Variants in ANK1 observed in about 807,000 individuals in gnomAD.
ANK1 encodes the protein ankyrin-1.
ANK1 carries 51 observed loss-of-function variants against 210.4 expected under a neutral mutation model. The ratio of observed to expected loss-of-function variants is 0.24; its 90% CI spans 0.19 to 0.31. The LOEUF (loss-of-function observed/expected upper bound fraction) is 0.31. Among genes scored for constraint, ANK1 ranks in the 10% least tolerant of loss-of-function variants. The probability of loss-of-function intolerance (pLI) is 1.00; values close to 1 mark genes in which losing one functional copy is unlikely to be tolerated. For synonymous variants in ANK1, 967 were observed against 1,025.9 expected (o/e 0.94, Z 1.10); for missense variants, 2,051 against 2,504.4 (o/e 0.82, Z 3.86).
At chr8:41,721,907 C>T (rs1464196464) in intron 9 of ANK1, among the ~76,000 whole-genome samples, 1 of 152,194 alleles carries the variant, frequency 6.6e-6, no homozygotes, top group Non-Finnish European at 1.5e-5. Flanking sequence ...TTTTCAGCCC[C>T]ATTCTAATGA....
chr8:41,706,229 G>C lies in ANK1; in HGVS notation c.2011C>G (p.Pro671Ala), dbSNP rs374166500. 4 of 1,614,020 alleles carry C rather than the reference G, an allele frequency of 2.5e-6. No individual in the cohort carries two copies. The African/African-American group carries it at 4.0e-5, about 16-fold the overall frequency. The change falls in exon 18 of 43, where the codon CCC (proline) becomes GCC (alanine). Residue 671 changes from proline (P) to alanine (A), a missense_variant. Coordinates refer to ENST00000289734, the MANE Select transcript of ANK1 (RefSeq NM_000037.4). The stretch of plus-strand genomic sequence containing the variant: ...CCTTCTTGTGCTACCAGATGGAGGG[G>C]AGTGAGTCCGCTCTGCAAAGAAAAA... Reference protein sequence around the residue: ...GNLGNKSGLTPLHLVAQEGHV... With the variant: ...GNLGNKSGLTALHLVAQEGHV...
intron 1 of ANK1, among the ~76,000 whole-genome samples, chr8:41,865,824 C>T (rs1456870343): frequency 2.0e-5 from 3 of 152,156 alleles, no homozygotes; most frequent in Non-Finnish European, 4.4e-5. Context: ...TCCTAATCGC[C>T]TCCATCCCCT....
chr8:41,702,009 G>C (rs1822963765), intron 21 of ANK1, 43 bp downstream of exon 21: 2 of 1,572,088 alleles, frequency 1.3e-6, no homozygotes, highest in Non-Finnish European at 8.8e-7. Context: ...TGTGCGCCAG[G>C]CTGAGTGTGT....
At chr8:41,838,380 A>G (rs1273946031) in intron 1 of ANK1, among the ~76,000 whole-genome samples, 1 of 152,178 alleles carries the variant, frequency 6.6e-6, no homozygotes, top group African/African-American at 2.4e-5. Context: ...TATTTGTAAA[A>G]CATGCTCTAC....
At chr8:41,852,233 G>T (rs1285685974) in intron 1 of ANK1, among the ~76,000 whole-genome samples, 1 of 152,186 alleles carries the variant, frequency 6.6e-6, no homozygotes. Context: ...GGAGAAAGGA[G>T]GGGTGAGTAC....
Position 41,896,413 on chromosome 8 carries a change from T to C in ANK1, c.68A>G (p.Lys23Arg). Reference sequence around the variant, plus strand: ...CTTCCTGTTGGATTCCTCCTTCTCCTTCTGCTCCTGGAGGGCCTGCGCCTC... The same window carrying C: ...CTTCCTGTTGGATTCCTCCTTCTCCCTCTGCTCCTGGAGGGCCTGCGCCTC... The change falls in exon 1 of 43, where the codon AAG (lysine) becomes AGG (arginine). Residue 23 changes from lysine to arginine, a missense_variant. Physicochemically the swap from Lys to Arg is conservative, Grantham distance 26. Transcript: ENST00000265709. 6.2e-7 allele frequency: 1 copy of C among 1,604,330 alleles called. No individual in the cohort carries two copies. The highest frequency in any genetic ancestry group is 1.1e-5 in the South Asian group (1 of 89,640).
At chr8:41,661,040 C>CTT in intron 42 of ANK1, 1 of 264,594 alleles carries the variant, frequency 3.8e-6, no homozygotes, top group Non-Finnish European at 7.4e-6. Flanking sequence ...TTCTTTCTGG[C>CTT]TTTTTTTTTT....
upstream of ANK1, among the ~76,000 whole-genome samples, chr8:41,799,314 C>T (rs1346080950): frequency 6.6e-6 from 1 of 152,150 alleles, no homozygotes; most frequent in Non-Finnish European, 1.5e-5. Context: ...CAGGCTCACT[C>T]ATGAGGGGGC....
chr8:41,765,917 G>A (rs1382190779), intron 1 of ANK1, among the ~76,000 whole-genome samples: 1 of 152,170 alleles, frequency 6.6e-6, no homozygotes, highest in Non-Finnish European at 1.5e-5. Flanking sequence ...AGACCCAGGT[G>A]AGAGAACCCC....
chr8:41,668,413 A>T lies in ANK1; in HGVS notation c.5248T>A (p.Tyr1750Asn). 6.2e-7 allele frequency: 1 copy of T among 1,613,676 alleles called. No homozygotes were observed. The highest frequency in any genetic ancestry group is 8.5e-7 in the Non-Finnish European group (1 of 1,179,916). Residue 1750 changes from tyrosine (Y) to asparagine (N), a missense_variant, in exon 39 of 43, where the codon TAC becomes AAC. Tyr to Asn is a moderately radical substitution (Grantham distance 143, BLOSUM62 -2). Around this residue, in one of 6 missense-constraint regions of ANK1, gnomAD observed 496 missense variants for 533.4 expected, o/e 0.93. Coordinates refer to ENST00000289734, the MANE Select transcript of ANK1 (RefSeq NM_000037.4). ...EGLEPGGSQEYEKVLVSVSEH... is the reference protein window; with the variant it reads ...EGLEPGGSQENEKVLVSVSEH... ...CTTACAGACACCAGGACCTTCTCGT[A>T]CTCCTGAGATCCACCGGGCTCTAGC...
At position 41,654,238 on chromosome 8, in the gene ANK1, C is replaced by T. The variant is rs541471233; in HGVS notation, c.*1552G>A. 5 of 152,802 alleles carry T rather than the reference C, an allele frequency of 3.3e-5. No individual in the cohort carries two copies. Among genetic ancestry groups the T allele is most frequent in the South Asian group, 2.1e-4 (1 of 4,826 alleles). The allele number at this position is 152,802 out of a possible 1,614,324, so 9.5% of individuals were successfully genotyped here. A position where few individuals can be genotyped will look rare whatever the true frequency, so the allele number is the denominator to read the frequency against. On this transcript the variant is annotated 3_prime_UTR_variant, in exon 43 of 43. Transcript: ENST00000289734. ...CCCTGGGCCGGAGGCTCTAGTGGAA[C>T]TTAAGGCTCCTCCCTGATGGCACCG...
At position 41,704,050 on chromosome 8, in the gene ANK1, C is replaced by G. The variant is rs1459852465; in HGVS notation, c.2286G>C (p.Glu762Asp). Reference protein sequence around the residue: ...LLLKNGASPNEVSSDGTTPLA... With the variant: ...LLLKNGASPNDVSSDGTTPLA... The stretch of plus-strand genomic sequence containing the variant: ...GAGAGAGTGTACTCACCGAGCTGAC[C>G]TCGTTTGGGGAAGCACCGTTTTTCA... Residue 762 changes from glutamate to aspartate, a missense_variant, in exon 20 of 43, where the codon GAG becomes GAC. By Grantham distance (45) the Glu-to-Asp change is conservative. Coordinates refer to ENST00000289734, the MANE Select transcript of ANK1 (RefSeq NM_000037.4). This position sits in a 1 kb window ranked among gnomAD's most constrained non-coding sequence, Gnocchi z 4.1. 1.9e-6 allele frequency: 3 copies of G among 1,614,026 alleles called. No homozygotes were observed. Among genetic ancestry groups the G allele is most frequent in the Non-Finnish European group, 2.5e-6 (3 of 1,179,980 alleles).
intron 1 of ANK1, among the ~76,000 whole-genome samples, chr8:41,773,421 G>A (rs1563732814): frequency 1.3e-5 from 2 of 152,154 alleles, no homozygotes; most frequent in Admixed American, 6.5e-5. Flanking sequence ...AAGGGGGGAG[G>A]CACAGCTGAA....
intron 1 of ANK1, among the ~76,000 whole-genome samples, chr8:41,762,906 C>T (rs529528497): frequency 3.9e-4 from 60 of 152,182 alleles, no homozygotes; most frequent in Admixed American, 2.5e-3. Flanking sequence ...GCACTGAATC[C>T]AGGAAGAAAA....
chr8:41,890,787 GA>G (rs1183841180), intron 1 of ANK1, among the ~76,000 whole-genome samples: 2 of 150,750 alleles, frequency 1.3e-5, no homozygotes, highest in African/African-American at 4.9e-5. Context: ...TCAGTCAGAA[GA>G]ATTCAAGGTG....
intron 6 of ANK1, 50 bp from the exon 7 acceptor site, chr8:41,724,604 T>C (rs914414847): frequency 6.6e-7 from 1 of 1,520,988 alleles, no homozygotes; most frequent in South Asian, 1.2e-5. Context: ...TTTACTTCTA[T>C]CTCAGAATCA....
At chr8:41,770,130 C>T (rs924417921) in intron 1 of ANK1, among the ~76,000 whole-genome samples, 9 of 151,796 alleles carry the variant, frequency 5.9e-5, no homozygotes, top group Non-Finnish European at 1.2e-4. Flanking sequence ...TACAGGCATG[C>T]ACCAACATGC....
intron 1 of ANK1, among the ~76,000 whole-genome samples, chr8:41,865,990 C>G (rs1814361171): frequency 6.6e-6 from 1 of 152,210 alleles, no homozygotes; most frequent in Non-Finnish European, 1.5e-5. Context: ...TAACCCAGAG[C>G]TCCATGTCCA....
At position 41,694,523 on chromosome 8, in the gene ANK1, G is replaced by A. The variant is rs1243949526; in HGVS notation, c.3327+69C>T. On this transcript the variant is annotated intron_variant, in intron 28 of 42. Transcript: ENST00000289734. This position sits in a 1 kb window ranked among gnomAD's most constrained non-coding sequence, Gnocchi z 5.7. ...AAAAGTGTGGGGATGTCCTGGGGAA[G>A]AGGGTGGCCTTCCCGGAGGCCTGGA... 6 of 1,440,262 alleles carry A rather than the reference G, an allele frequency of 4.2e-6. No homozygotes were observed. Among genetic ancestry groups the A allele is most frequent in the Non-Finnish European group, 5.8e-6 (6 of 1,040,404 alleles). The allele number at this position is 1,440,262 out of a possible 1,614,324, so 89.2% of individuals were successfully genotyped here. A position where few individuals can be genotyped will look rare whatever the true frequency, so the allele number is the denominator to read the frequency against.
Sources: allele counts gnomAD v4.1 joint callset (sites outside exome capture counted in the v4.1 genomes callset), GRCh38; gene constraint gnomAD v4.1.1; regional missense constraint gnomAD v4.1.1; non-coding constraint Gnocchi (gnomAD v3.1); transcripts MANE v1.5; gene names NCBI Gene and HGNC (gene_info 2026-07-23, HGNC 2026-07-21).